The following EFNA5 variants were observed in gnomAD, a reference collection of about 807,000 sequenced individuals.
The protein encoded by EFNA5 is ephrin-A5.
In EFNA5, 5 loss-of-function variants were observed where a neutral mutation model predicts 22.9. The ratio of observed to expected loss-of-function variants is 0.22; its 90% CI spans 0.11 to 0.46. The LOEUF is 0.46. Among genes scored for constraint, EFNA5 ranks in the 20% least tolerant of loss-of-function variants. The pLI is 0.99. For missense variants in EFNA5, 237 were observed against 293.3 expected (o/e 0.81, Z 1.40); for synonymous variants, 113 against 112.2 (o/e 1.01, Z -0.04).
chr5:107,610,636 T>C (rs1032104221), intron 1 of EFNA5, among the ~76,000 whole-genome samples: 7 of 152,190 alleles, frequency 4.6e-5, no homozygotes, highest in Admixed American at 2.0e-4. Flanking sequence ...ATTTTTGCAA[T>C]TGAAAAACTA....
chr5:107,399,386 A>G (rs3797514), intron 2 of EFNA5, among the ~76,000 whole-genome samples: 1 of 143,794 alleles, frequency 7.0e-6, no homozygotes, highest in Non-Finnish European at 1.5e-5. Flanking sequence ...GAAGGAAGGA[A>G]GGAAAGAAGA....
At chr5:107,637,657 A>T (rs528444391) in intron 1 of EFNA5, among the ~76,000 whole-genome samples, 2 of 149,672 alleles carry the variant, frequency 1.3e-5, no homozygotes, top group African/African-American at 2.4e-5. Context: ...GTATATATAC[A>T]TAAACTGATT....
In EFNA5 at chr5:107,474,289, C is replaced by A. The variant is rs931612019; in HGVS notation, c.126-46780G>T. On this transcript the variant is annotated intron_variant, in intron 1 of 4. Coordinates refer to ENST00000333274, the MANE Select transcript of EFNA5 (RefSeq NM_001962.3). ...ATTTTCTCACTTAGGTACCTGCCGG[C>A]TGCATTAGCCATGAAAGTTTGCATC... Among the ~76,000 whole-genome samples the A allele has an allele frequency of 2.3e-4, 35 of 152,174 alleles. 1 individual carries two copies. The highest frequency in any genetic ancestry group is 8.2e-4 in the African/African-American group (34 of 41,434).
chr5:107,626,865 G>A (rs972431690), intron 1 of EFNA5, among the ~76,000 whole-genome samples: 3 of 152,026 alleles, frequency 2.0e-5, no homozygotes, highest in African/African-American at 7.2e-5. Flanking sequence ...GTGGTGCCCT[G>A]AGCAAAAATG....
At chr5:107,534,111 G>A (rs1009434722) in intron 1 of EFNA5, among the ~76,000 whole-genome samples, 1 of 152,186 alleles carries the variant, frequency 6.6e-6, no homozygotes, top group Non-Finnish European at 1.5e-5. Context: ...GTCTGAGCTT[G>A]AATTCTGATC....
chr5:107,490,803 G>A (rs1266112094), intron 1 of EFNA5, among the ~76,000 whole-genome samples: 1 of 152,202 alleles, frequency 6.6e-6, no homozygotes, highest in African/African-American at 2.4e-5. Flanking sequence ...CCATCCAGTG[G>A]GGAAAAGCAC....
chr5:107,406,877 T>A (rs1748237115), intron 2 of EFNA5, among the ~76,000 whole-genome samples: 1 of 152,160 alleles, frequency 6.6e-6, no homozygotes, highest in Non-Finnish European at 1.5e-5. Flanking sequence ...ACACTTGTTT[T>A]CTCACTGATC....
intron 1 of EFNA5, among the ~76,000 whole-genome samples, chr5:107,439,479 A>G (rs972922547): frequency 6.6e-6 from 1 of 152,152 alleles, no homozygotes; most frequent in Admixed American, 6.6e-5. Flanking sequence ...GCTCTCAGTG[A>G]CTTCAGATGT....
intron 1 of EFNA5, among the ~76,000 whole-genome samples, chr5:107,481,251 C>T (rs1206945627): frequency 6.6e-6 from 1 of 152,162 alleles, no homozygotes; most frequent in Non-Finnish European, 1.5e-5. Context: ...GGCTACAACA[C>T]TGAATACAGG....
chr5:107,578,546 G>A (rs1748973707), intron 1 of EFNA5, among the ~76,000 whole-genome samples: 1 of 152,110 alleles, frequency 6.6e-6, no homozygotes, highest in African/African-American at 2.4e-5. Context: ...TTGAATCTGA[G>A]TGTTCTAAAA....
rs145078669 is a variant in EFNA5, at chr5:107,653,958, C to T, written c.125+16531G>A. ...TTAACCCAAACTCCACGACTGAATT[C>T]CAAACCAGGTCTTATGTATACTATT... On this transcript the variant is annotated intron_variant, in intron 1 of 4. Transcript: ENST00000333274. Among the ~76,000 whole-genome samples, 484 of 152,216 alleles carry T rather than the reference C, an allele frequency of 3.2e-3. 4 individuals are homozygous for T. Among genetic ancestry groups the T allele is most frequent in the Non-Finnish European group, 5.7e-3 (385 of 68,000 alleles).
intron 1 of EFNA5, among the ~76,000 whole-genome samples, chr5:107,561,100 C>T (rs906368642): frequency 6.6e-6 from 1 of 152,162 alleles, no homozygotes; most frequent in Non-Finnish European, 1.5e-5. Context: ...GTTCCCCAAA[C>T]TCTACCTCTT....
intron 2 of EFNA5, among the ~76,000 whole-genome samples, chr5:107,393,209 G>T (rs1179717523): frequency 6.6e-6 from 1 of 152,150 alleles, no homozygotes; most frequent in African/African-American, 2.4e-5. Context: ...TTTAAAATAA[G>T]TTAAAACTTT....
Position 107,420,988 on chromosome 5 carries a change from C to T in EFNA5, c.418+6229G>A, listed in dbSNP as rs551435522. On this transcript the variant is annotated intron_variant, in intron 2 of 4. Coordinates refer to ENST00000333274, the MANE Select transcript of EFNA5 (RefSeq NM_001962.3). ...ACATCGATAGTTAAATGAGGACTTT[C>T]TTCAAATTAGTTCTGTTTTACTAGT... Among the ~76,000 whole-genome samples, 11 of 152,278 alleles carry T rather than the reference C, an allele frequency of 7.2e-5. 1 individual carries two copies. In the South Asian group the frequency reaches 1.4e-3, roughly 20 times the overall value.
intron 2 of EFNA5, among the ~76,000 whole-genome samples, chr5:107,388,997 T>C (rs1396233578): frequency 6.6e-6 from 1 of 152,224 alleles, no homozygotes; most frequent in African/African-American, 2.4e-5. Context: ...TAGATCCAAG[T>C]AACCCTCCTG....
intron 1 of EFNA5, among the ~76,000 whole-genome samples, chr5:107,429,532 C>A (rs1748893830): frequency 6.6e-6 from 1 of 152,176 alleles, no homozygotes; most frequent in African/African-American, 2.4e-5. Context: ...CGAGAGACAA[C>A]ATTGTGAAAA....
At chr5:107,618,758 T>G (rs1479120071) in intron 1 of EFNA5, among the ~76,000 whole-genome samples, 1 of 152,174 alleles carries the variant, frequency 6.6e-6, no homozygotes, top group Non-Finnish European at 1.5e-5. Flanking sequence ...CCTGACTGCC[T>G]AATTAATGGA....
chr5:107,502,656 T>C (rs1036399534), intron 1 of EFNA5, among the ~76,000 whole-genome samples: 1 of 152,194 alleles, frequency 6.6e-6, no homozygotes, highest in Non-Finnish European at 1.5e-5. Flanking sequence ...GTGGCCGTGC[T>C]CGAAGTGTAT....
intron 1 of EFNA5, among the ~76,000 whole-genome samples, chr5:107,590,204 A>C (rs1462682699): frequency 6.6e-6 from 1 of 152,174 alleles, no homozygotes; most frequent in Non-Finnish European, 1.5e-5. Flanking sequence ...CCTTTAGAAA[A>C]AAATGCTAAA....
Sources: allele counts gnomAD v4.1 joint callset (sites outside exome capture counted in the v4.1 genomes callset), GRCh38; gene constraint gnomAD v4.1.1; transcripts MANE v1.5; gene names NCBI Gene and HGNC (gene_info 2026-07-23, HGNC 2026-07-21).